The following DLG2 variants were observed in gnomAD, a reference collection of about 807,000 sequenced individuals.
The protein encoded by DLG2 is discs large MAGUK scaffold protein 2.
Under a neutral mutation model 132.5 loss-of-function variants are expected in DLG2, and 45 were observed. That is an observed-to-expected ratio of 0.34 (90% confidence interval 0.27 to 0.44). The LOEUF is 0.44. Among genes scored for constraint, DLG2 ranks in the 20% least tolerant of loss-of-function variants. The probability of loss-of-function intolerance (pLI) is 1.00; values close to 1 mark genes in which losing one functional copy is unlikely to be tolerated. For missense variants in DLG2, 1,045 were observed against 1,196.9 expected (o/e 0.87, Z 1.87); for synonymous variants, 424 against 419.6 (o/e 1.01, Z -0.13).
chr11:85,153,074 C>A (rs1046432494), intron 5 of DLG2, among the ~76,000 whole-genome samples: 3 of 152,152 alleles, frequency 2.0e-5, no homozygotes, highest in Non-Finnish European at 2.9e-5. Context: ...ATAACTATCC[C>A]ATTTCATCCT....
intron 16 of DLG2, among the ~76,000 whole-genome samples, chr11:83,869,216 T>C (rs752501242): frequency 2.0e-5 from 3 of 152,162 alleles, no homozygotes; most frequent in African/African-American, 4.8e-5. Flanking sequence ...ATCATATATT[T>C]TGGAACCAAA....
intron 6 of DLG2, among the ~76,000 whole-genome samples, chr11:85,044,218 G>T (rs1358183589): frequency 2.0e-5 from 3 of 151,902 alleles, no homozygotes; most frequent in Non-Finnish European, 4.4e-5. Flanking sequence ...TGCTGCTCCT[G>T]TTGTGCTACT....
intron 3 of DLG2, among the ~76,000 whole-genome samples, chr11:85,310,613 G>A (rs1422846926): frequency 6.6e-6 from 1 of 152,112 alleles, no homozygotes; most frequent in African/African-American, 2.4e-5. Flanking sequence ...CAGACTGGTG[G>A]GATAGCAAAC....
At chr11:85,506,070 C>G (rs1430308925) in intron 3 of DLG2, among the ~76,000 whole-genome samples, 1 of 152,102 alleles carries the variant, frequency 6.6e-6, no homozygotes, top group East Asian at 1.9e-4. Context: ...GTGATATCCC[C>G]TTTATCATTT....
chr11:84,564,233 G>A (rs925696771), intron 6 of DLG2, among the ~76,000 whole-genome samples: 1 of 152,160 alleles, frequency 6.6e-6, no homozygotes, highest in East Asian at 1.9e-4. Flanking sequence ...GCTTGGGTAT[G>A]CTTATAGGCA....
At chr11:84,089,882 G>T (rs542227089) in intron 10 of DLG2, among the ~76,000 whole-genome samples, 1 of 152,040 alleles carries the variant, frequency 6.6e-6, no homozygotes, top group Non-Finnish European at 1.5e-5. Context: ...TTTAATAAAC[G>T]CACTCTTGTG....
intron 5 of DLG2, among the ~76,000 whole-genome samples, chr11:85,151,330 T>C (rs902600879): frequency 1.3e-5 from 2 of 152,120 alleles, no homozygotes; most frequent in Non-Finnish European, 2.9e-5. Flanking sequence ...TTCACTCTGG[T>C]CATTGTTTTC....
intron 6 of DLG2, among the ~76,000 whole-genome samples, chr11:84,966,240 A>G (rs2053322203): frequency 6.6e-6 from 1 of 151,972 alleles, no homozygotes; most frequent in African/African-American, 2.4e-5. Context: ...TTGTATATCT[A>G]TATCACAGTG....
chr11:83,606,214 T>G lies in DLG2; in HGVS notation c.1940+26997A>C, dbSNP rs1480113598. On this transcript the variant is annotated intron_variant, in intron 19 of 27. Transcript: ENST00000376104. ...AGGTTAAAAGGTAGTCAGTATACAC[T>G]ACTATACATACTAGCATATATGCTA... 2.6e-5 allele frequency among the ~76,000 whole-genome samples: 4 copies of G among 152,234 alleles called. No individual in the cohort carries two copies. In the East Asian group the frequency reaches 5.8e-4, roughly 22 times the overall value.
intron 3 of DLG2, among the ~76,000 whole-genome samples, chr11:85,568,352 T>C (rs2077650207): frequency 6.6e-6 from 1 of 152,126 alleles, no homozygotes; most frequent in African/African-American, 2.4e-5. Flanking sequence ...TGAGGATTTT[T>C]GCATCTGTAT....
chr11:84,016,178 T>C lies in DLG2; in HGVS notation c.920-35536A>G, dbSNP rs1440824469. ...CATGTTTGTTGGCCACACCTCTGTC[T>C]TCCTTTGAGAAATGTCTGCTCATGT... On this transcript the variant is annotated intron_variant, in intron 11 of 27. Transcript: ENST00000376104. Among the ~76,000 whole-genome samples the C allele has an allele frequency of 2.0e-5, 3 of 152,296 alleles. No homozygotes were observed. In the East Asian group the frequency reaches 5.8e-4, roughly 29 times the overall value.
chr11:85,265,227 C>A (rs2077146689), intron 4 of DLG2, among the ~76,000 whole-genome samples: 1 of 152,184 alleles, frequency 6.6e-6, no homozygotes, highest in Non-Finnish European at 1.5e-5. Context: ...CATGACCCCA[C>A]TGAACTAGGA....
intron 6 of DLG2, among the ~76,000 whole-genome samples, chr11:84,652,704 G>C (rs1345480272): frequency 6.6e-6 from 1 of 152,074 alleles, no homozygotes; most frequent in Non-Finnish European, 1.5e-5. Context: ...CAGGGACCAG[G>C]CTCAACTGCT....
At chr11:85,566,682 G>A (rs1274258991) in intron 3 of DLG2, among the ~76,000 whole-genome samples, 1 of 152,052 alleles carries the variant, frequency 6.6e-6, no homozygotes, top group Admixed American at 6.6e-5. Flanking sequence ...CAGGCCCCAC[G>A]TCCTAATACC....
At chr11:85,118,108 T>C (rs142578379) in intron 5 of DLG2, among the ~76,000 whole-genome samples, 1 of 152,248 alleles carries the variant, frequency 6.6e-6, no homozygotes, top group African/African-American at 2.4e-5. Context: ...CTTCCTGGGC[T>C]TATCCTTCCA....
At chr11:85,238,812 G>A (rs372875849) in intron 4 of DLG2, among the ~76,000 whole-genome samples, 1 of 151,832 alleles carries the variant, frequency 6.6e-6, no homozygotes, top group East Asian at 1.9e-4. Context: ...TACCTGAAGT[G>A]ACAGCTTCAC....
At chr11:84,085,938 C>G (rs372965067) in intron 10 of DLG2, among the ~76,000 whole-genome samples, 1 of 152,138 alleles carries the variant, frequency 6.6e-6, no homozygotes, top group Middle Eastern at 3.4e-3. Flanking sequence ...TAAAGCATAT[C>G]AATAATTTGG....
At chr11:83,567,606 G>T (rs1418025780) in intron 19 of DLG2, among the ~76,000 whole-genome samples, 2 of 152,178 alleles carry the variant, frequency 1.3e-5, no homozygotes, top group Non-Finnish European at 1.5e-5. Context: ...TTTGATAATT[G>T]TAATTCAGCA....
intron 7 of DLG2, among the ~76,000 whole-genome samples, chr11:84,260,010 C>G (rs1032746922): frequency 6.9e-6 from 1 of 144,852 alleles, no homozygotes; most frequent in African/African-American, 2.5e-5. Context: ...ATTTTTTATC[C>G]CCTTGGACTG....
Sources: allele counts gnomAD v4.1 joint callset (sites outside exome capture counted in the v4.1 genomes callset), GRCh38; gene constraint gnomAD v4.1.1; transcripts MANE v1.5; gene names NCBI Gene and HGNC (gene_info 2026-07-23, HGNC 2026-07-21).